Variants in PLCZ1 observed in about 807,000 individuals in gnomAD.
PLCZ1 encodes 1-phosphatidylinositol 4,5-bisphosphate phosphodiesterase zeta-1.
Under a neutral mutation model 76.8 loss-of-function variants are expected in PLCZ1, and 64 were observed. That is an observed-to-expected ratio of 0.83 (90% CI 0.68 to 1.03). The LOEUF (loss-of-function observed/expected upper bound fraction) is 1.03. Ranked by LOEUF, PLCZ1 falls within the 50% of genes least tolerant of loss-of-function variation. PLCZ1 has a pLI of 0.00. For missense variants in PLCZ1, 751 were observed against 713.7 expected (o/e 1.05, Z -0.60); for synonymous variants, 248 against 230.8 (o/e 1.07, Z -0.68).
chr12:18,720,092 T>C, intron 4 of PLCZ1, among the ~76,000 whole-genome samples: 1 of 152,136 alleles, frequency 6.6e-6, no homozygotes, highest in East Asian at 1.9e-4. Context: ...GCACTTTATA[T>C]GAATTGACTC....
chr12:18,648,865 A>C, the PLCZ1 span, among the ~76,000 whole-genome samples: 1 of 152,142 alleles, frequency 6.6e-6, no homozygotes, highest in Non-Finnish European at 1.5e-5. Flanking sequence ...TAAAACAATC[A>C]AAAAAATTTT....
At chr12:18,652,888 T>C in the PLCZ1 span, among the ~76,000 whole-genome samples, 17 of 152,092 alleles carry the variant, frequency 1.1e-4, no homozygotes, top group Admixed American at 1.3e-4. Flanking sequence ...ATTGAACATA[T>C]ACATATATAT....
At chr12:18,710,684 A>G (rs11831904) in intron 6 of PLCZ1, among the ~76,000 whole-genome samples, 1,998 of 152,250 alleles carry the variant, frequency 0.013, 44 homozygotes, top group African/African-American at 0.045. Context: ...CGACAGTGAC[A>G]GTAAAAATGG....
In PLCZ1 at chr12:18,684,294, A is replaced by T. The variant is rs1952765562; in HGVS notation, c.1592-15T>A. On this transcript the variant is annotated splice_polypyrimidine_tract_variant and intron_variant, in intron 13 of 14. Transcript: ENST00000266505. ...TGGACTAAAAGCTGAAATATAAAAA[A>T]AGAAGATACAAAGAATAATAGATAC... is the stretch of plus-strand genomic sequence containing the variant. The T allele has an allele frequency of 6.3e-7, 1 of 1,588,528 alleles. No homozygotes were observed. Among genetic ancestry groups the T allele is most frequent in the South Asian group, 1.1e-5 (1 of 90,378 alleles).
intron 2 of PLCZ1, chr12:18,736,579 G>A: frequency 1.6e-5 from 9 of 573,588 alleles, no homozygotes; most frequent in Non-Finnish European, 2.2e-5. Flanking sequence ...AAGAATTAAA[G>A]TTAAAATTTG....
chr12:18,653,985 G>C, the PLCZ1 span, among the ~76,000 whole-genome samples: 2 of 151,986 alleles, frequency 1.3e-5, no homozygotes, highest in African/African-American at 4.8e-5. Flanking sequence ...GAAATAACTT[G>C]AGTAGCTTAA....
the PLCZ1 span, among the ~76,000 whole-genome samples, chr12:18,649,954 T>G: frequency 6.6e-6 from 1 of 152,026 alleles, no homozygotes; most frequent in Non-Finnish European, 1.5e-5. Flanking sequence ...GTCCCAGGGC[T>G]CACCCCTTGC....
At chr12:18,684,383 T>TA in intron 13 of PLCZ1, 104 bp from the exon 14 acceptor site, 2 of 1,089,218 alleles carry the variant, frequency 1.8e-6, no homozygotes, top group Non-Finnish European at 2.7e-6. Flanking sequence ...CCTTTAACAA[T>TA]AATATCTTGT....
chr12:18,652,718 C>T, the PLCZ1 span, among the ~76,000 whole-genome samples: 1 of 152,096 alleles, frequency 6.6e-6, no homozygotes, highest in Non-Finnish European at 1.5e-5. Flanking sequence ...CACATTCATA[C>T]AATGTTGCAA....
chr12:18,689,124 T>C (rs1953660882), intron 12 of PLCZ1, among the ~76,000 whole-genome samples: 1 of 152,108 alleles, frequency 6.6e-6, no homozygotes, highest in Non-Finnish European at 1.5e-5. Context: ...GGCATCAGCA[T>C]AATTAGACAT....
At chr12:18,700,512 C>CAAAA (rs11324526) in intron 9 of PLCZ1, among the ~76,000 whole-genome samples, 12,306 of 67,368 alleles carry the variant, frequency 0.18, 2,517 homozygotes, top group African/African-American at 0.2. Flanking sequence ...AGCCAACGTA[C>CAAAA]AAAAAAAAAA....
chr12:18,647,640 T>C, the PLCZ1 span, among the ~76,000 whole-genome samples: 1 of 151,646 alleles, frequency 6.6e-6, no homozygotes, highest in East Asian at 1.9e-4. Flanking sequence ...TAATTCTTAG[T>C]GGAATCAGTA....
intron 5 of PLCZ1, chr12:18,715,929 A>T (rs2137476348): frequency 6.6e-6 from 1 of 152,280 alleles, no homozygotes; most frequent in East Asian, 1.9e-4. Flanking sequence ...GGAGAAATGG[A>T]CCTAGAATAT....
chr12:18,646,650 G>T, the PLCZ1 span, among the ~76,000 whole-genome samples: 768 of 152,254 alleles, frequency 5.0e-3, 1 homozygote, highest in Non-Finnish European at 7.9e-3. Flanking sequence ...GGCATATATT[G>T]AGAAAGTTTC....
In PLCZ1 at chr12:18,723,390, C is replaced by G. The variant is rs1255280422; in HGVS notation, c.288G>C (p.Leu96=). 1.2e-6 allele frequency: 2 copies of G among 1,612,908 alleles called. No homozygotes were observed. Among genetic ancestry groups the G allele is most frequent in the African/African-American group, 2.7e-5 (2 of 74,972 alleles). The change falls in exon 4 of 15, where the codon CTG becomes CTC. Residue 96 remains leucine (L), a synonymous_variant. Coordinates refer to ENST00000266505, the MANE Select transcript of PLCZ1 (RefSeq NM_033123.4). ...ILLASNLAQF[L]TQEQYAAEMS... is the part of the protein sequence containing the mutation. ...TCTCAGCTGCATATTGTTCTTGTGT[C>G]AGAAATTGAGCCAGATTACTTGCTA...
At chr12:18,693,398 T>A in intron 12 of PLCZ1, 2 of 1,604,524 alleles carry the variant, frequency 1.2e-6, no homozygotes, top group Non-Finnish European at 1.7e-6. Flanking sequence ...CTCTCACCCA[T>A]CCTGAATATT....
At chr12:18,674,703 G>A in the PLCZ1 span, among the ~76,000 whole-genome samples, 2 of 152,166 alleles carry the variant, frequency 1.3e-5, no homozygotes, top group South Asian at 2.1e-4. Context: ...TCCACTGCTT[G>A]AAGCTAGGCT....
the PLCZ1 span, among the ~76,000 whole-genome samples, chr12:18,663,176 G>A: frequency 5.9e-5 from 9 of 152,058 alleles, no homozygotes; most frequent in African/African-American, 9.7e-5. Context: ...AGGCAAGGGT[G>A]AACAGGTTCA....
intron 6 of PLCZ1, 78 bp from the exon 7 acceptor site, chr12:18,705,393 G>T: frequency 6.5e-7 from 1 of 1,534,766 alleles, no homozygotes; most frequent in Non-Finnish European, 9.0e-7. Flanking sequence ...AGTGCTTAAT[G>T]TATTTTAAAA....
Sources: gnomAD v4.1 joint callset for allele counts (sites outside exome capture counted in the v4.1 genomes callset) on GRCh38, gnomAD v4.1.1 for gene constraint, MANE v1.5 for transcripts, NCBI Gene and HGNC (gene_info 2026-07-23, HGNC 2026-07-21) for gene names.